The following P2RY8 variants were observed in gnomAD, a reference collection of about 807,000 sequenced individuals.
P2RY8 encodes S-geranylgeranyl-glutathione receptor P2RY8.
P2RY8 carries 6 observed loss-of-function variants against 10.0 expected under a neutral mutation model. That is an observed-to-expected ratio of 0.60 (90% CI 0.33 to 1.19). The LOEUF (loss-of-function observed/expected upper bound fraction) is 1.19. P2RY8 is among the 50% of genes most tolerant of loss of function. P2RY8 has a pLI of 0.04. For synonymous variants in P2RY8, 276 were observed against 252.5 expected, an observed-to-expected ratio of 1.09 and a Z score of -0.88; for missense variants, 456 against 542.0, an observed-to-expected ratio of 0.84 and a Z score of 1.58.
At chrX:1,526,194 A>G (rs1267567179) in intron 1 of P2RY8, among the ~76,000 whole-genome samples, 15 of 151,456 alleles carry the variant, frequency 9.9e-5, no homozygotes, top group Non-Finnish European at 1.2e-4. Context: ...TTCCTTATCC[A>G]TCCACTCATC....
intron 1 of P2RY8, among the ~76,000 whole-genome samples, chrX:1,486,996 G>A (rs758716736): frequency 8.5e-5 from 13 of 152,332 alleles, no homozygotes; most frequent in South Asian, 2.1e-4. Context: ...GGATGCAGTC[G>A]TCACTGGGGC....
Position 1,521,468 on chromosome X carries a change from C to T in P2RY8, c.-25+15453G>A, listed in dbSNP as rs147600779. Among the ~76,000 whole-genome samples the T allele has an allele frequency of 3.7e-3, 557 of 152,204 alleles. 3 individuals are homozygous for T. Among genetic ancestry groups the T allele is most frequent in the African/African-American group, 0.013 (525 of 41,504 alleles). ...GTAATCCTTATGCTCCACTTTAATC[C>T]GTCCCAGTATGGACAAACCCTAAGA... On this transcript the variant is annotated intron_variant, in intron 1 of 1. Transcript: ENST00000381297.
chrX:1,504,372 T>C (rs1295477102), intron 1 of P2RY8, among the ~76,000 whole-genome samples: 2 of 152,138 alleles, frequency 1.3e-5, no homozygotes, highest in African/African-American at 4.8e-5. Context: ...TTGAAGCTTC[T>C]GTTTCAATCT....
intron 1 of P2RY8, among the ~76,000 whole-genome samples, chrX:1,490,309 G>T (rs2092031851): frequency 7.6e-6 from 1 of 131,830 alleles, no homozygotes; most frequent in African/African-American, 2.9e-5. Flanking sequence ...TGGAGGGAAT[G>T]AATGAATGAT....
At chrX:1,531,921 T>C (rs1181196845) in intron 1 of P2RY8, among the ~76,000 whole-genome samples, 1 of 152,144 alleles carries the variant, frequency 6.6e-6, no homozygotes, top group African/African-American at 2.4e-5. Context: ...AATGCTAGTG[T>C]GGATGTGGCG....
intron 1 of P2RY8, among the ~76,000 whole-genome samples, chrX:1,519,277 C>A (rs1382984541): frequency 6.6e-6 from 1 of 150,448 alleles, no homozygotes; most frequent in Non-Finnish European, 1.5e-5. Flanking sequence ...TAATAATCTC[C>A]CTGCTCCCCA....
At position 1,516,821 on chromosome X, in the gene P2RY8, C is replaced by T. The variant is rs766135918; in HGVS notation, c.-25+20100G>A. ...ACCCTGTGAGGACACAGGGGGAAGA[C>T]GTCATCTACAAGCCAAGGAGAGAGT... On this transcript the variant is annotated intron_variant, in intron 1 of 1. Coordinates refer to ENST00000381297, the MANE Select transcript of P2RY8 (RefSeq NM_178129.5). 2.0e-5 allele frequency among the ~76,000 whole-genome samples: 3 copies of T among 150,318 alleles called. No individual in the cohort carries two copies. In the South Asian group the frequency reaches 6.3e-4, roughly 32 times the overall value.
At chrX:1,511,776 C>A (rs1387002632) in intron 1 of P2RY8, among the ~76,000 whole-genome samples, 1 of 152,196 alleles carries the variant, frequency 6.6e-6, no homozygotes, top group East Asian at 1.9e-4. Context: ...AGCTGGGTCC[C>A]TTCTGGGGCT....
intron 1 of P2RY8, among the ~76,000 whole-genome samples, chrX:1,507,526 G>C (rs1463732245): frequency 6.6e-6 from 1 of 152,072 alleles, no homozygotes; most frequent in Non-Finnish European, 1.5e-5. Context: ...CGGTGGTTCG[G>C]AGCTGGGGTA....
At chrX:1,525,255 C>T (rs1368869867) in intron 1 of P2RY8, among the ~76,000 whole-genome samples, 3 of 152,152 alleles carry the variant, frequency 2.0e-5, no homozygotes, top group Admixed American at 1.3e-4. Context: ...AACATAGGTA[C>T]CTGTGAATAT....
rs1254431505 is a variant in P2RY8, at chrX:1,463,851, A to G, written c.*1628T>C. 42 of 233,196 alleles carry G rather than the reference A, an allele frequency of 1.8e-4. No individual in the cohort carries two copies. The highest frequency in any genetic ancestry group is 2.8e-4 in the Non-Finnish European group (33 of 118,082). The allele number at this position is 233,196 out of a possible 1,614,324, so 14.4% of individuals were successfully genotyped here. A position where few individuals can be genotyped will look rare whatever the true frequency, so the allele number is the denominator to read the frequency against. Reference sequence around the variant, plus strand: ...GTCTGTGTCTCCTCTTCCGTCTCTCATAGGGACACTGGATTGGGCCCATTG... The same window carrying G: ...GTCTGTGTCTCCTCTTCCGTCTCTCGTAGGGACACTGGATTGGGCCCATTG... On this transcript the variant is annotated 3_prime_UTR_variant, in exon 2 of 2. Coordinates refer to ENST00000381297, the MANE Select transcript of P2RY8 (RefSeq NM_178129.5).
intron 1 of P2RY8, among the ~76,000 whole-genome samples, chrX:1,499,966 C>G (rs5989771): frequency 0.47 from 60,950 of 128,546 alleles, 17,929 homozygotes; most frequent in Admixed American, 0.65. Context: ...TCCCGCCATT[C>G]TCCTGCCTCA....
rs781440346 is a variant in P2RY8, at chrX:1,530,964, CATGT to C, written c.-25+5953_-25+5956del. On this transcript the variant is annotated intron_variant, in intron 1 of 1. Transcript: ENST00000381297. ...TATCTATCTATCTAATCTATTTATCCATGTATGTATGTATGTATGTACCTATCTA... is the reference window on the plus strand; with the variant it reads ...TATCTATCTATCTAATCTATTTATCCATGTATGTATGTATGTACCTATCTA... Among the ~76,000 whole-genome samples, 433 of 151,312 alleles carry C rather than the reference CATGT, an allele frequency of 2.9e-3. 5 individuals carry two copies. Among genetic ancestry groups the C allele is most frequent in the Non-Finnish European group, 6.8e-4 (46 of 67,746 alleles).
At chrX:1,478,348 A>G (rs1320534515) in intron 1 of P2RY8, among the ~76,000 whole-genome samples, 2 of 151,916 alleles carry the variant, frequency 1.3e-5, no homozygotes, top group African/African-American at 4.8e-5. Flanking sequence ...GAGATTGCAG[A>G]AGGCAGACTG....
At chrX:1,493,951 AT>A (rs1414830973) in intron 1 of P2RY8, 2 of 152,090 alleles carry the variant, frequency 1.3e-5, no homozygotes, top group African/African-American at 4.8e-5. Flanking sequence ...CGGGTTAAAA[AT>A]CACACACCCC....
At chrX:1,512,687 A>C (rs1477818590) in intron 1 of P2RY8, among the ~76,000 whole-genome samples, 1 of 152,106 alleles carries the variant, frequency 6.6e-6, no homozygotes, top group Admixed American at 6.6e-5. Context: ...GTCATGTCTT[A>C]CATGGTGGCA....
chrX:1,476,420 C>CA (rs1254270665), intron 1 of P2RY8, among the ~76,000 whole-genome samples: 2 of 150,470 alleles, frequency 1.3e-5, no homozygotes, highest in Non-Finnish European at 3.0e-5. Flanking sequence ...ACTAAAAATA[C>CA]AAAAAAGAAA....
intron 1 of P2RY8, among the ~76,000 whole-genome samples, chrX:1,473,120 G>C (rs1474051898): frequency 6.9e-6 from 1 of 145,868 alleles, no homozygotes; most frequent in Non-Finnish European, 1.5e-5. Context: ...TGGGTTGATG[G>C]GTAGATGGAT....
In P2RY8 at chrX:1,466,037, G is replaced by A; in HGVS notation, c.522C>T (p.Thr174=). Residue 174 remains threonine, a synonymous_variant, in exon 2 of 2, where the codon ACC becomes ACT. Coordinates refer to ENST00000381297, the MANE Select transcript of P2RY8 (RefSeq NM_178129.5). ...TYPVHALGII[T]CFDVLKWTML... ...TCGTCCACTTGAGGACGTCGAAGCA[G>A]GTGATGATGCCCAGGGCGTGCACCG... 1.2e-6 allele frequency: 2 copies of A among 1,611,890 alleles called. No individual in the cohort carries two copies. The highest frequency in any genetic ancestry group is 2.7e-5 in the African/African-American group (2 of 74,978).
Sources: allele counts gnomAD v4.1 joint callset (sites outside exome capture counted in the v4.1 genomes callset), GRCh38; gene constraint gnomAD v4.1.1; transcripts MANE v1.5; gene names NCBI Gene and HGNC (gene_info 2026-07-23, HGNC 2026-07-21).